Variants in ACSL1 observed in about 807,000 individuals in gnomAD.
The protein encoded by ACSL1 is acyl-CoA synthetase long chain family member 1.
In ACSL1, 41 loss-of-function variants were observed where a neutral mutation model predicts 98.4. The ratio of observed to expected loss-of-function variants is 0.42; its 90% CI spans 0.32 to 0.54. ACSL1 has a LOEUF of 0.54. ACSL1 is among the 20% of genes least tolerant of loss of function. ACSL1 has a pLI of 0.13. For missense variants in ACSL1, 734 were observed against 883.1 expected (o/e 0.83, Z 2.14); for synonymous variants, 316 against 322.7 (o/e 0.98, Z 0.22).
intron 2 of ACSL1, among the ~76,000 whole-genome samples, chr4:184,793,804 G>A (rs1387330531): frequency 1.3e-5 from 2 of 152,166 alleles, no homozygotes; most frequent in African/African-American, 2.4e-5. Flanking sequence ...CCACAGTCCG[G>A]GGGTAAAAAT....
intron 12 of ACSL1, among the ~76,000 whole-genome samples, chr4:184,767,808 A>C (rs1478660974): frequency 2.6e-5 from 4 of 152,220 alleles, no homozygotes; most frequent in African/African-American, 9.6e-5. Context: ...GGTCCACGCA[A>C]TGATACCCAC....
Position 184,766,289 on chromosome 4 carries a change from G to C in ACSL1, c.1264-303C>G, listed in dbSNP as rs561498226. On this transcript the variant is annotated intron_variant, in intron 13 of 20. Coordinates refer to ENST00000281455, the MANE Select transcript of ACSL1 (RefSeq NM_001995.5). The surrounding 1 kb of genome is among the most constrained non-coding windows in gnomAD (Gnocchi z 4.8). ...CAACTACCACAATTCTGGCCTTCTG[G>C]GGGGCATGATATTGTTACACGTTAT... Among the ~76,000 whole-genome samples, 28 of 152,280 alleles carry C rather than the reference G, an allele frequency of 1.8e-4. No homozygotes were observed. The highest frequency in any genetic ancestry group is 6.5e-4 in the African/African-American group (27 of 41,550).
chr4:184,802,038 C>A (rs1367610818), intron 2 of ACSL1, among the ~76,000 whole-genome samples: 1 of 152,216 alleles, frequency 6.6e-6, no homozygotes, highest in Non-Finnish European at 1.5e-5. Context: ...CAGAACCTCA[C>A]AGGAATCCCT....
chr4:184,765,677 T>C (rs1763485766), intron 14 of ACSL1, among the ~76,000 whole-genome samples: 1 of 152,112 alleles, frequency 6.6e-6, no homozygotes, highest in African/African-American at 2.4e-5. Context: ...AAAGTATGGG[T>C]GGTAAGACAC....
chr4:184,815,926 G>A (rs778466012), intron 1 of ACSL1, among the ~76,000 whole-genome samples: 19 of 152,062 alleles, frequency 1.2e-4, no homozygotes, highest in Non-Finnish European at 2.5e-4. Flanking sequence ...TTCAAGCCCA[G>A]CCTGGCCAAC....
chr4:184,809,172 GAAAT>G (rs1240894428), intron 1 of ACSL1, among the ~76,000 whole-genome samples: 1 of 152,148 alleles, frequency 6.6e-6, no homozygotes, highest in East Asian at 1.9e-4. Flanking sequence ...CTGACTTATT[GAAAT>G]ATTCAAGTCC....
At chr4:184,790,156 G>A (rs945143295) in intron 2 of ACSL1, among the ~76,000 whole-genome samples, 3 of 152,138 alleles carry the variant, frequency 2.0e-5, no homozygotes, top group African/African-American at 7.2e-5. Context: ...TGAACTCACA[G>A]GGAGACCCTT....
intron 2 of ACSL1, among the ~76,000 whole-genome samples, chr4:184,795,694 C>T (rs1769236670): frequency 1.3e-5 from 2 of 152,202 alleles, no homozygotes; most frequent in South Asian, 2.1e-4. Context: ...AATTCAGCCA[C>T]CTAAAAGCGT....
At chr4:184,793,194 TA>T (rs5864899) in intron 2 of ACSL1, among the ~76,000 whole-genome samples, 62,221 of 135,872 alleles carry the variant, frequency 0.46, 14,119 homozygotes, top group African/African-American at 0.61. Flanking sequence ...TGTTCCCAGT[TA>T]AAAAAAAAAA....
chr4:184,765,022 G>T, intron 14 of ACSL1, 97 bp from the exon 15 acceptor site: 1 of 1,195,722 alleles, frequency 8.4e-7, no homozygotes, highest in Non-Finnish European at 1.2e-6. Context: ...CCCAAGTCAT[G>T]GCTGACTGGT....
At chr4:184,765,475 A>AAC (rs1208317021) in intron 14 of ACSL1, among the ~76,000 whole-genome samples, 4 of 152,048 alleles carry the variant, frequency 2.6e-5, no homozygotes, top group Non-Finnish European at 5.9e-5. Context: ...AAACAAACAT[A>AAC]ACACACACAC....
intron 11 of ACSL1, among the ~76,000 whole-genome samples, chr4:184,769,262 G>A (rs192049641): frequency 8.5e-5 from 13 of 152,256 alleles, no homozygotes; most frequent in Admixed American, 6.5e-4. Flanking sequence ...TCTAATACCA[G>A]AGTGGCTTGC....
At chr4:184,820,353 C>T (rs940762812) in intron 1 of ACSL1, among the ~76,000 whole-genome samples, 4 of 152,138 alleles carry the variant, frequency 2.6e-5, no homozygotes, top group Non-Finnish European at 4.4e-5. Flanking sequence ...CCTTACAAGA[C>T]CAATGTCCAG....
intron 1 of ACSL1, among the ~76,000 whole-genome samples, chr4:184,820,729 C>A (rs182474438): frequency 6.6e-6 from 1 of 152,136 alleles, no homozygotes; most frequent in African/African-American, 2.4e-5. Flanking sequence ...CTCAACCTCC[C>A]GAGCAGCTGA....
At chr4:184,768,951 C>G (rs1027559822) in intron 11 of ACSL1, among the ~76,000 whole-genome samples, 2 of 151,956 alleles carry the variant, frequency 1.3e-5, no homozygotes, top group Non-Finnish European at 2.9e-5. Context: ...TGCCCATAGT[C>G]CCAGCGACTC....
At chr4:184,770,539 C>T (rs1764336228) in intron 10 of ACSL1, 63 bp from the exon 11 acceptor site, 1 of 1,276,170 alleles carries the variant, frequency 7.8e-7, no homozygotes, top group African/African-American at 1.6e-5. Context: ...GGGAACATCG[C>T]ACACCAGGGA....
intron 4 of ACSL1, among the ~76,000 whole-genome samples, chr4:184,782,166 C>CA (rs1561204473): frequency 6.6e-6 from 1 of 151,740 alleles, no homozygotes; most frequent in Non-Finnish European, 1.5e-5. Flanking sequence ...TTTAAGGAAT[C>CA]AGAGCCTGAG....
intron 7 of ACSL1, among the ~76,000 whole-genome samples, chr4:184,775,655 G>A (rs971421545): frequency 1.3e-5 from 2 of 152,070 alleles, no homozygotes; most frequent in Non-Finnish European, 2.9e-5. Flanking sequence ...GTGCCTACTG[G>A]GTTCCTCAGG....
intron 2 of ACSL1, chr4:184,798,503 C>T: frequency 5.3e-6 from 1 of 187,832 alleles, no homozygotes; most frequent in South Asian, 1.3e-4. Context: ...GGGTCTCCAT[C>T]CCGCTGGCTT....
Sources: allele counts gnomAD v4.1 joint callset (sites outside exome capture counted in the v4.1 genomes callset), GRCh38; gene constraint gnomAD v4.1.1; non-coding constraint Gnocchi (gnomAD v3.1); transcripts MANE v1.5; gene names NCBI Gene and HGNC (gene_info 2026-07-23, HGNC 2026-07-21).